The following NRXN1 variants were observed in gnomAD, a reference collection of about 807,000 sequenced individuals.
NRXN1 encodes neurexin-1.
Under a neutral mutation model 150.9 loss-of-function variants are expected in NRXN1, and 39 were observed. The observed-to-expected ratio is 0.26, with a 90% CI of 0.20 to 0.34. The LOEUF is 0.34. Among genes scored for constraint, NRXN1 ranks in the 10% least tolerant of loss-of-function variants. The probability of loss-of-function intolerance (pLI) is 1.00; values close to 1 mark genes in which losing one functional copy is unlikely to be tolerated. For synonymous variants in NRXN1, 924 were observed against 757.0 expected (o/e 1.22, Z -3.62); for missense variants, 1,815 against 1,949.9 (o/e 0.93, Z 1.30).
intron 17 of NRXN1, among the ~76,000 whole-genome samples, chr2:50,307,759 T>C (rs1012138719): frequency 7.9e-5 from 12 of 152,182 alleles, no homozygotes; most frequent in African/African-American, 2.7e-4. Context: ...TCCATTGAAA[T>C]GACTCATGAA....
intron 18 of NRXN1, among the ~76,000 whole-genome samples, chr2:50,118,019 G>T (rs1703303262): frequency 6.6e-6 from 1 of 152,050 alleles, no homozygotes; most frequent in African/African-American, 2.4e-5. Context: ...TCCTTCTATT[G>T]TAAGAACTAT....
At chr2:51,031,491 A>G (rs1195775386) in intron 1 of NRXN1, among the ~76,000 whole-genome samples, 2 of 152,106 alleles carry the variant, frequency 1.3e-5, no homozygotes, top group Non-Finnish European at 2.9e-5. Flanking sequence ...GAGAAATTTT[A>G]GAAGTGCTTA....
intron 5 of NRXN1, among the ~76,000 whole-genome samples, chr2:50,784,902 G>A (rs1480435076): frequency 6.6e-6 from 1 of 152,070 alleles, no homozygotes; most frequent in Non-Finnish European, 1.5e-5. Flanking sequence ...ATCCATGTGA[G>A]GGTTATAGAT....
chr2:50,012,987 G>T (rs6718720), intron 21 of NRXN1, among the ~76,000 whole-genome samples: 1 of 151,946 alleles, frequency 6.6e-6, no homozygotes, highest in Non-Finnish European at 1.5e-5. Flanking sequence ...GCCCTTTTGT[G>T]GGGGAGAAAC....
chr2:50,014,646 CT>C (rs1001908192), intron 21 of NRXN1, among the ~76,000 whole-genome samples: 2 of 152,074 alleles, frequency 1.3e-5, no homozygotes, highest in Non-Finnish European at 2.9e-5. Flanking sequence ...TTCATTAATT[CT>C]TTTTTTATTG....
At chr2:50,318,064 A>G (rs1057414701) in intron 17 of NRXN1, among the ~76,000 whole-genome samples, 15 of 152,104 alleles carry the variant, frequency 9.9e-5, no homozygotes, top group Admixed American at 9.2e-4. Flanking sequence ...CCAGTCACAT[A>G]CTAGAAGAAT....
At chr2:50,410,464 A>C (rs2083069379) in intron 17 of NRXN1, among the ~76,000 whole-genome samples, 1 of 152,182 alleles carries the variant, frequency 6.6e-6, no homozygotes, top group Non-Finnish European at 1.5e-5. Flanking sequence ...GCATGTTCTC[A>C]TATGTGTACA....
chr2:50,643,474 T>A (rs12618911), intron 5 of NRXN1, among the ~76,000 whole-genome samples: 1 of 151,610 alleles, frequency 6.6e-6, no homozygotes, highest in African/African-American at 2.4e-5. Context: ...AAGCTGCTTT[T>A]ATTTCTAATT....
At chr2:50,258,841 T>C (rs1234258039) in intron 17 of NRXN1, among the ~76,000 whole-genome samples, 4 of 152,062 alleles carry the variant, frequency 2.6e-5, no homozygotes, top group African/African-American at 9.7e-5. Context: ...TCCCCATGTA[T>C]ATCTCCATCA....
At position 50,533,157 on chromosome 2, in the gene NRXN1, G is replaced by A. The variant is rs565106380; in HGVS notation, c.2144-1727C>T. 9.9e-5 allele frequency among the ~76,000 whole-genome samples: 15 copies of A among 152,178 alleles called. No homozygotes were observed. In the East Asian group the frequency reaches 2.9e-3, roughly 30 times the overall value. Reference sequence around the variant, plus strand: ...ACCTCTCTAAGCACTGAGTGTTCCAGGTCTCCCTGCTTAGGTTAGCTCCCT... The same window carrying A: ...ACCTCTCTAAGCACTGAGTGTTCCAAGTCTCCCTGCTTAGGTTAGCTCCCT... On this transcript the variant is annotated intron_variant, in intron 10 of 22. Transcript: ENST00000401669.
At chr2:50,589,385 C>T (rs370255449) in intron 8 of NRXN1, 1 of 152,224 alleles carries the variant, frequency 6.6e-6, no homozygotes, top group Non-Finnish European at 1.5e-5. Context: ...TAGTTTCCTG[C>T]TAAGGAAGGA....
chr2:50,075,501 T>G (rs1394202459), intron 19 of NRXN1, among the ~76,000 whole-genome samples: 1 of 152,094 alleles, frequency 6.6e-6, no homozygotes, highest in Non-Finnish European at 1.5e-5. Context: ...TTAGACTGAG[T>G]CTAGTTTCTC....
chr2:50,810,314 T>C (rs1668038868), intron 5 of NRXN1, among the ~76,000 whole-genome samples: 1 of 152,180 alleles, frequency 6.6e-6, no homozygotes, highest in African/African-American at 2.4e-5. Flanking sequence ...CCTTTCAAAA[T>C]CTGTTTTCAT....
At chr2:50,643,350 T>C (rs554754021) in intron 5 of NRXN1, among the ~76,000 whole-genome samples, 16 of 152,096 alleles carry the variant, frequency 1.1e-4, no homozygotes, top group African/African-American at 3.1e-4. Flanking sequence ...TTGACACTTA[T>C]AAAATTATTA....
chr2:50,145,613 T>TAAGGA (rs1707899018), intron 18 of NRXN1, among the ~76,000 whole-genome samples: 1 of 151,662 alleles, frequency 6.6e-6, no homozygotes, highest in South Asian at 2.1e-4. Context: ...AAGAGATTCC[T>TAAGGA]TATTTTTTAG....
intron 5 of NRXN1, among the ~76,000 whole-genome samples, chr2:50,856,809 G>A (rs1413352212): frequency 1.3e-5 from 2 of 152,022 alleles, no homozygotes; most frequent in East Asian, 3.9e-4. Flanking sequence ...TGGTTTACAA[G>A]TTGTCTTCCA....
intron 21 of NRXN1, among the ~76,000 whole-genome samples, chr2:50,011,495 G>A (rs570572247): frequency 1.3e-5 from 2 of 152,038 alleles, no homozygotes; most frequent in African/African-American, 4.8e-5. Flanking sequence ...ATCAGCAGTG[G>A]AATTATAACC....
intron 2 of NRXN1, among the ~76,000 whole-genome samples, chr2:51,021,032 T>A (rs1257093119): frequency 6.6e-6 from 1 of 151,926 alleles, no homozygotes; most frequent in Non-Finnish European, 1.5e-5. Flanking sequence ...CCGTGTAAAT[T>A]TACCTATTCC....
At chr2:50,788,262 G>A (rs899499451) in intron 5 of NRXN1, among the ~76,000 whole-genome samples, 1 of 151,682 alleles carries the variant, frequency 6.6e-6, no homozygotes, top group Non-Finnish European at 1.5e-5. Flanking sequence ...AATTTTTTTT[G>A]TATTTTTAGT....
Sources: gnomAD v4.1 joint callset for allele counts (sites outside exome capture counted in the v4.1 genomes callset) on GRCh38, gnomAD v4.1.1 for gene constraint, MANE v1.5 for transcripts, NCBI Gene and HGNC (gene_info 2026-07-23, HGNC 2026-07-21) for gene names.